Variants in ZBTB7C observed in about 807,000 individuals in gnomAD.
The protein encoded by ZBTB7C is zinc finger and BTB domain-containing protein 7C.
In ZBTB7C, 8 loss-of-function variants were observed where a neutral mutation model predicts 25.7. The observed-to-expected ratio is 0.31, with a 90% CI of 0.18 to 0.56. The LOEUF (loss-of-function observed/expected upper bound fraction) is 0.56, where lower values mean the gene tolerates loss of function less well. ZBTB7C is among the 20% of genes least tolerant of loss of function. ZBTB7C has a pLI of 0.91. For missense variants in ZBTB7C, 824 were observed against 855.2 expected, an observed-to-expected ratio of 0.96 and a Z score of 0.46; for synonymous variants, 394 against 369.0, an observed-to-expected ratio of 1.07 and a Z score of -0.78.
intron 3 of ZBTB7C, chr18:48,180,387 C>T (rs1272176191): frequency 8.8e-6 from 4 of 456,146 alleles, no homozygotes; most frequent in South Asian, 4.6e-5. Flanking sequence ...TGGTGATTAC[C>T]ACGGTAATCA....
chr18:48,168,823 G>T (rs1315191092), intron 3 of ZBTB7C, among the ~76,000 whole-genome samples: 2 of 152,204 alleles, frequency 1.3e-5, no homozygotes, highest in Admixed American at 1.3e-4. Flanking sequence ...CATAAACATG[G>T]CTTCTTATGC....
chr18:48,241,376 G>T (rs537309091), intron 2 of ZBTB7C, among the ~76,000 whole-genome samples: 1 of 151,962 alleles, frequency 6.6e-6, no homozygotes, highest in Admixed American at 6.6e-5. Context: ...TTTACAGAAC[G>T]CTCTACCCAA....
intron 1 of ZBTB7C, among the ~76,000 whole-genome samples, chr18:48,359,089 A>AACTTACTGC (rs2047043179): frequency 6.6e-6 from 1 of 152,148 alleles, no homozygotes; most frequent in African/African-American, 2.4e-5. Flanking sequence ...CTTCACTCAC[A>AACTTACTGC]ACTTACTGCC....
intron 1 of ZBTB7C, among the ~76,000 whole-genome samples, chr18:48,373,042 A>C (rs1703441895): frequency 6.6e-6 from 1 of 152,002 alleles, no homozygotes; most frequent in Non-Finnish European, 1.5e-5. Context: ...TGTGTTACCC[A>C]CTAAATTGTG....
At chr18:48,407,825 A>G (rs2048315786) in intron 1 of ZBTB7C, among the ~76,000 whole-genome samples, 1 of 152,134 alleles carries the variant, frequency 6.6e-6, no homozygotes, top group African/African-American at 2.4e-5. Flanking sequence ...TCCACCTCTC[A>G]CGCAGTTTTG....
At chr18:48,367,230 CACAT>C (rs1488716662) in intron 1 of ZBTB7C, among the ~76,000 whole-genome samples, 5 of 83,398 alleles carry the variant, frequency 6.0e-5, no homozygotes, top group African/African-American at 1.4e-4. Context: ...CACACACACA[CACAT>C]ACATACACAC....
chr18:48,091,603 A>T (rs1164658291), intron 3 of ZBTB7C, among the ~76,000 whole-genome samples: 1 of 152,010 alleles, frequency 6.6e-6, no homozygotes, highest in Non-Finnish European at 1.5e-5. Flanking sequence ...GAGCTTTTAG[A>T]CACATTGGCT....
intron 3 of ZBTB7C, among the ~76,000 whole-genome samples, chr18:48,182,638 C>T (rs755192607): frequency 3.9e-5 from 6 of 152,144 alleles, no homozygotes; most frequent in African/African-American, 1.2e-4. Context: ...AGAGGGGGCT[C>T]GCCACCAAAA....
chr18:48,389,707 T>G (rs2047853636), intron 1 of ZBTB7C, among the ~76,000 whole-genome samples: 1 of 151,888 alleles, frequency 6.6e-6, no homozygotes, highest in Non-Finnish European at 1.5e-5. Context: ...GCAGTGAGGC[T>G]CTCCCTGATA....
intron 2 of ZBTB7C, among the ~76,000 whole-genome samples, chr18:48,203,848 C>T (rs1180664836): frequency 3.3e-5 from 5 of 152,176 alleles, no homozygotes; most frequent in South Asian, 2.1e-4. Context: ...CAGGCAGCCC[C>T]CCACCCCACC....
chr18:48,372,716 T>C (rs577587203), intron 1 of ZBTB7C, among the ~76,000 whole-genome samples: 1 of 152,276 alleles, frequency 6.6e-6, no homozygotes, highest in East Asian at 1.9e-4. Context: ...CCTCCCTCTC[T>C]GGACTGTCTC....
chr18:48,177,340 T>C (rs749234305), intron 3 of ZBTB7C, among the ~76,000 whole-genome samples: 1 of 152,160 alleles, frequency 6.6e-6, no homozygotes, highest in Non-Finnish European at 1.5e-5. Context: ...TGGCACTTCT[T>C]CAAGGCCCCC....
At chr18:48,291,845 A>C in intron 2 of ZBTB7C, among the ~76,000 whole-genome samples, 1 of 152,264 alleles carries the variant, frequency 6.6e-6, no homozygotes, top group East Asian at 1.9e-4. Flanking sequence ...AACTCATAAC[A>C]TGTAGAACAC....
At chr18:48,246,975 T>C (rs896102586) in intron 2 of ZBTB7C, among the ~76,000 whole-genome samples, 3 of 152,188 alleles carry the variant, frequency 2.0e-5, no homozygotes, top group Non-Finnish European at 4.4e-5. Flanking sequence ...ACTAAAATTA[T>C]ACCATGACAA....
chr18:48,286,233 C>CGTGTGTGTGT (rs59121430), intron 2 of ZBTB7C, among the ~76,000 whole-genome samples: 36 of 145,578 alleles, frequency 2.5e-4, no homozygotes, highest in African/African-American at 8.1e-4. Flanking sequence ...AAGAGGTGTG[C>CGTGTGTGTGT]GTGTGTGTGT....
intron 3 of ZBTB7C, among the ~76,000 whole-genome samples, chr18:48,055,132 A>G (rs1228354431): frequency 6.6e-6 from 1 of 152,026 alleles, no homozygotes; most frequent in Non-Finnish European, 1.5e-5. Flanking sequence ...GGGGCTGGGC[A>G]TGGTGGCTCA....
At chr18:48,291,011 T>G (rs1419891078) in intron 2 of ZBTB7C, among the ~76,000 whole-genome samples, 2 of 152,220 alleles carry the variant, frequency 1.3e-5, no homozygotes, top group African/African-American at 4.8e-5. Context: ...GTTTGGAAAG[T>G]GAAAAGAGTT....
chr18:48,179,732 C>T (rs2041824586), intron 3 of ZBTB7C, among the ~76,000 whole-genome samples: 1 of 148,334 alleles, frequency 6.7e-6, no homozygotes. Flanking sequence ...CTCCCTCCCT[C>T]TCTCTCTCCC....
intron 1 of ZBTB7C, among the ~76,000 whole-genome samples, chr18:48,365,327 G>A (rs1217674400): frequency 1.3e-5 from 2 of 152,198 alleles, no homozygotes; most frequent in Non-Finnish European, 2.9e-5. Flanking sequence ...ATAGCATCCT[G>A]GGGAACATAC....
Sources: gnomAD v4.1 joint callset for allele counts (sites outside exome capture counted in the v4.1 genomes callset) on GRCh38, gnomAD v4.1.1 for gene constraint, MANE v1.5 for transcripts, NCBI Gene and HGNC (gene_info 2026-07-23, HGNC 2026-07-21) for gene names.